The following DDX10 variants were observed in gnomAD, a reference collection of about 807,000 sequenced individuals.
DDX10 encodes DEAD-box helicase 10.
A neutral mutation model predicts 104.3 loss-of-function variants in DDX10; 74 were observed. That is an observed-to-expected ratio of 0.71 (90% CI 0.59 to 0.86). The LOEUF is 0.86. Among genes scored for constraint, DDX10 ranks in the 40% least tolerant of loss-of-function variants. DDX10 has a pLI of 0.00. For missense variants in DDX10, 952 were observed against 1,040.0 expected (o/e 0.92, Z 1.16); for synonymous variants, 351 against 353.4 (o/e 0.99, Z 0.08).
intron 13 of DDX10, among the ~76,000 whole-genome samples, chr11:108,761,931 A>G (rs1262187973): frequency 1.3e-5 from 2 of 152,122 alleles, no homozygotes; most frequent in East Asian, 3.8e-4. Flanking sequence ...TTTATATAAT[A>G]TTTTCTACAC....
intron 9 of DDX10, among the ~76,000 whole-genome samples, chr11:108,701,291 A>G (rs767223279): frequency 2.6e-5 from 4 of 152,144 alleles, no homozygotes; most frequent in Non-Finnish European, 5.9e-5. Context: ...TGCATAACAG[A>G]CTGCACTGTT....
chr11:108,882,120 G>A (rs1863234797), intron 16 of DDX10, among the ~76,000 whole-genome samples: 1 of 152,034 alleles, frequency 6.6e-6, no homozygotes, highest in African/African-American at 2.4e-5. Flanking sequence ...GAACTGTGGG[G>A]AAAAAAGAAA....
chr11:108,773,892 A>C (rs1333716363), intron 13 of DDX10, among the ~76,000 whole-genome samples: 1 of 152,176 alleles, frequency 6.6e-6, no homozygotes, highest in African/African-American at 2.4e-5. Context: ...TCGGGCCCAG[A>C]GAAGCATAAA....
chr11:108,868,860 A>G (rs982477795), intron 16 of DDX10, among the ~76,000 whole-genome samples: 1 of 152,078 alleles, frequency 6.6e-6, no homozygotes, highest in African/African-American at 2.4e-5. Flanking sequence ...TTCATTACCC[A>G]TAATAACCTT....
chr11:108,907,332 C>CTTT lies in DDX10; in HGVS notation c.2305-10530_2305-10528dup, dbSNP rs58465136. Among the ~76,000 whole-genome samples the CTTT allele has an allele frequency of 1.3e-3, 185 of 145,000 alleles. 1 individual carries two copies. The highest frequency in any genetic ancestry group is 3.6e-3 in the Middle Eastern group (1 of 278). On this transcript the variant is annotated intron_variant, in intron 16 of 17. Transcript: ENST00000322536. ...CCTTCCCCAGCATCCTCCATTGCCT[C>CTTT]TTTTTTTTTTTTTCCTTTTTTGAGA...
intron 13 of DDX10, among the ~76,000 whole-genome samples, chr11:108,803,229 C>T (rs997532710): frequency 2.0e-5 from 3 of 151,990 alleles, no homozygotes; most frequent in Admixed American, 2.0e-4. Flanking sequence ...CGGTCATTTC[C>T]ACCCAGGTGA....
Position 108,665,136 on chromosome 11 carries a change from G to A in DDX10, c.-18G>A, listed in dbSNP as rs890960248. ...CTCGTGTCTGGGGTTGATCCGAGCT[G>A]TCGCCGCCGCCGCCGCAATGGGCAA... On this transcript the variant is annotated 5_prime_UTR_variant, in exon 1 of 18. Coordinates refer to ENST00000322536, the MANE Select transcript of DDX10 (RefSeq NM_004398.4). 1.3e-6 allele frequency: 2 copies of A among 1,598,102 alleles called. No individual in the cohort carries two copies. Among genetic ancestry groups the A allele is most frequent in the Admixed American group, 1.7e-5 (1 of 57,314 alleles).
intron 9 of DDX10, among the ~76,000 whole-genome samples, chr11:108,700,298 G>C (rs1190682158): frequency 6.6e-6 from 1 of 152,146 alleles, no homozygotes; most frequent in East Asian, 1.9e-4. Flanking sequence ...TCATGAAAGA[G>C]GTTCTCATAT....
At chr11:108,712,964 C>G (rs2094286472) in intron 10 of DDX10, among the ~76,000 whole-genome samples, 1 of 152,118 alleles carries the variant, frequency 6.6e-6, no homozygotes, top group Non-Finnish European at 1.5e-5. Flanking sequence ...TGGTTTTTCT[C>G]TCTCCACACT....
At chr11:108,797,161 G>A (rs1033304821) in intron 13 of DDX10, among the ~76,000 whole-genome samples, 1 of 152,108 alleles carries the variant, frequency 6.6e-6, no homozygotes, top group African/African-American at 2.4e-5. Flanking sequence ...AGCCTCCTGA[G>A]TAGCTGAGAC....
chr11:108,768,956 T>A (rs1433885778), intron 13 of DDX10, among the ~76,000 whole-genome samples: 1 of 152,184 alleles, frequency 6.6e-6, no homozygotes, highest in Non-Finnish European at 1.5e-5. Flanking sequence ...TGAAAATGTT[T>A]TTGTTTTGCT....
At chr11:108,744,051 C>T (rs2094328463) in intron 13 of DDX10, among the ~76,000 whole-genome samples, 1 of 152,010 alleles carries the variant, frequency 6.6e-6, no homozygotes, top group Non-Finnish European at 1.5e-5. Context: ...ATGTTCTTGC[C>T]AACAGTGTAC....
At chr11:108,822,665 C>A in intron 13 of DDX10, 2 of 156,090 alleles carry the variant, frequency 1.3e-5, no homozygotes, top group South Asian at 3.7e-4. Flanking sequence ...AATTCTCTTC[C>A]ATCACTGGTG....
At chr11:108,750,926 CTTTTTTTT>C (rs10582729) in intron 13 of DDX10, among the ~76,000 whole-genome samples, 315 of 24,176 alleles carry the variant, frequency 0.013, no homozygotes, top group African/African-American at 0.028. Context: ...CACCTGGTTA[CTTTTTTTT>C]TTTTTTTTTT....
At chr11:108,817,348 A>T (rs1297334607) in intron 13 of DDX10, among the ~76,000 whole-genome samples, 2 of 151,694 alleles carry the variant, frequency 1.3e-5, no homozygotes, top group East Asian at 3.9e-4. Context: ...AAAACAACAA[A>T]CTCATTTCCA....
intron 13 of DDX10, among the ~76,000 whole-genome samples, chr11:108,763,064 A>G (rs2094352532): frequency 6.6e-6 from 1 of 152,122 alleles, no homozygotes; most frequent in Non-Finnish European, 1.5e-5. Flanking sequence ...CCCTGTTCTC[A>G]TTGATCCTTG....
chr11:108,901,180 G>GT (rs1294062341), intron 16 of DDX10, among the ~76,000 whole-genome samples: 1 of 152,124 alleles, frequency 6.6e-6, no homozygotes, highest in East Asian at 1.9e-4. Context: ...GTTATTGACT[G>GT]TTTTTGTCTG....
intron 13 of DDX10, among the ~76,000 whole-genome samples, chr11:108,770,903 G>GT (rs532635148): frequency 4.6e-5 from 7 of 150,898 alleles, no homozygotes; most frequent in East Asian, 3.9e-4. Flanking sequence ...TCTGTTTTTA[G>GT]TTTTTTTTTG....
At chr11:108,814,898 A>G (rs193228277) in intron 13 of DDX10, among the ~76,000 whole-genome samples, 94 of 152,346 alleles carry the variant, frequency 6.2e-4, no homozygotes, top group African/African-American at 2.2e-3. Flanking sequence ...GTTTAATGAT[A>G]TAGTCTCTGG....
Sources: gnomAD v4.1 joint callset for allele counts (sites outside exome capture counted in the v4.1 genomes callset) on GRCh38, gnomAD v4.1.1 for gene constraint, MANE v1.5 for transcripts, NCBI Gene and HGNC (gene_info 2026-07-23, HGNC 2026-07-21) for gene names.